Variants in PLSCR5 observed in about 807,000 individuals in gnomAD.
PLSCR5 encodes phospholipid scramblase family member 5.
PLSCR5 carries 44 observed loss-of-function variants against 33.6 expected under a neutral mutation model. That is an observed-to-expected ratio of 1.31 (90% CI 1.03 to 1.69). The LOEUF (loss-of-function observed/expected upper bound fraction) is 1.69, where lower values mean the gene tolerates loss of function less well. Among genes scored for constraint, PLSCR5 ranks in the 40% most tolerant of loss-of-function variants. The probability of loss-of-function intolerance (pLI) is 0.00; values close to 1 mark genes in which losing one functional copy is unlikely to be tolerated. For missense variants in PLSCR5, 375 were observed against 318.7 expected, an observed-to-expected ratio of 1.18 and a Z score of -1.34; for synonymous variants, 148 against 112.3, an observed-to-expected ratio of 1.32 and a Z score of -2.01.
chr3:146,605,088 G>T, intron 1 of PLSCR5, 112 bp downstream of exon 1: 3 of 1,112,232 alleles, frequency 2.7e-6, no homozygotes, highest in Non-Finnish European at 3.8e-6. Flanking sequence ...GTTCAAAAGT[G>T]ACAAATGACA....
intron 1 of PLSCR5, among the ~76,000 whole-genome samples, chr3:146,604,804 A>G (rs2044850750): frequency 6.6e-6 from 1 of 152,066 alleles, no homozygotes; most frequent in South Asian, 2.1e-4. Context: ...TTTTAATTAA[A>G]AAAATTATTA....
At chr3:146,593,263 G>C (rs2044730195) in intron 4 of PLSCR5, among the ~76,000 whole-genome samples, 1 of 152,110 alleles carries the variant, frequency 6.6e-6, no homozygotes, top group African/African-American at 2.4e-5. Context: ...GAGATTTCAT[G>C]ATTCTGTTCT....
rs780953428 is a variant in PLSCR5, at chr3:146,591,967, T to C, written c.454-86A>G. On this transcript the variant is annotated intron_variant, in intron 4 of 7. Transcript: ENST00000443512. ...ATAATGTCAATTTACCTGTAAACAA[T>C]ATACTGTTATAAAATTATTTTGATA... is the stretch of plus-strand genomic sequence containing the variant. The C allele has an allele frequency of 3.9e-5, 43 of 1,105,880 alleles. No homozygotes were observed. In the Admixed American group the frequency reaches 5.5e-4, roughly 14 times the overall value. The allele number at this position is 1,105,880 out of a possible 1,614,324, so 68.5% of individuals were successfully genotyped here. A position where few individuals can be genotyped will look rare whatever the true frequency, so the allele number is the denominator to read the frequency against.
At chr3:146,589,557 G>C (rs1014016868) in intron 6 of PLSCR5, 96 bp downstream of exon 6, 171 of 1,156,712 alleles carry the variant, frequency 1.5e-4, no homozygotes, top group Non-Finnish European at 1.9e-4. Flanking sequence ...TATACTCTTT[G>C]GGGGTAAAAA....
chr3:146,593,231 G>C (rs2044729995), intron 4 of PLSCR5, among the ~76,000 whole-genome samples: 1 of 152,036 alleles, frequency 6.6e-6, no homozygotes, highest in African/African-American at 2.4e-5. Flanking sequence ...CAAATGTAGA[G>C]AGTAATTATT....
At chr3:146,587,326 A>G (rs1560105983) in intron 6 of PLSCR5, among the ~76,000 whole-genome samples, 1 of 152,254 alleles carries the variant, frequency 6.6e-6, no homozygotes, top group Non-Finnish European at 1.5e-5. Flanking sequence ...CAAGAAGAAC[A>G]TATGTTTAGA....
chr3:146,582,313 A>T (rs757459739), downstream of PLSCR5, among the ~76,000 whole-genome samples: 1 of 152,226 alleles, frequency 6.6e-6, no homozygotes, highest in Non-Finnish European at 1.5e-5. Flanking sequence ...TTGCCCAGAC[A>T]TGTCTGCAAT....
chr3:146,604,010 C>A (rs967396889), intron 1 of PLSCR5, among the ~76,000 whole-genome samples: 1 of 151,982 alleles, frequency 6.6e-6, no homozygotes, highest in Non-Finnish European at 1.5e-5. Context: ...TCATTTGTTT[C>A]ATATTAAATA....
chr3:146,583,291 C>G (rs1244544729), downstream of PLSCR5, among the ~76,000 whole-genome samples: 1 of 152,096 alleles, frequency 6.6e-6, no homozygotes, highest in African/African-American at 2.4e-5. Flanking sequence ...TACTTATTGG[C>G]ATGTAAGAGC....
chr3:146,582,260 G>A (rs1560104708), downstream of PLSCR5, among the ~76,000 whole-genome samples: 1 of 152,194 alleles, frequency 6.6e-6, no homozygotes, highest in East Asian at 1.9e-4. Flanking sequence ...GCTTGCCTAA[G>A]ACATGGCCTC....
chr3:146,578,251 A>AT (rs1020540562), intron 7 of PLSCR5, among the ~76,000 whole-genome samples: 15 of 152,094 alleles, frequency 9.9e-5, no homozygotes, highest in African/African-American at 2.6e-4. Context: ...TCTCAAAGGT[A>AT]TTTTTTCAGG....
chr3:146,593,986 T>C lies in PLSCR5; in HGVS notation c.387A>G (p.Arg129=). 6.2e-7 allele frequency: 1 copy of C among 1,613,814 alleles called. No homozygotes were observed. ...CTLRITDNSG[R]EVITVNRPLR... ...AGGGCCTGTTCACTGTAATGACCTC[T>C]CGACCTGAGTTATCTGTGATCCTCA... The change falls in exon 4 of 8, where the codon CGA becomes CGG. Residue 129 remains arginine, a synonymous_variant. Coordinates refer to ENST00000443512, the MANE Select transcript of PLSCR5 (RefSeq NM_001085420.2).
In PLSCR5 at chr3:146,585,876, A is replaced by ATT. The variant is rs66481203; in HGVS notation, c.*109_*110dup. On this transcript the variant is annotated 3_prime_UTR_variant, in exon 8 of 8. Transcript: ENST00000443512. ...TGTTTTAATAAATATAATAATTAAC[A>ATT]TTTTTTTTTAACAAAAAAGCAAACA... 7 of 443,130 alleles carry ATT rather than the reference A, an allele frequency of 1.6e-5. No homozygotes were observed. Among genetic ancestry groups the ATT allele is most frequent in the African/African-American group, 1.3e-4 (6 of 47,484 alleles). 27.4% of individuals were successfully genotyped at this position (443,130 alleles called of 1,614,324 possible).
chr3:146,590,778 G>A (rs192329112), intron 5 of PLSCR5, among the ~76,000 whole-genome samples: 213 of 152,142 alleles, frequency 1.4e-3, no homozygotes, highest in Non-Finnish European at 2.4e-3. Context: ...TACGTGCATA[G>A]TGTTTCCTGA....
At chr3:146,597,462 G>T (rs2044771082) in intron 2 of PLSCR5, among the ~76,000 whole-genome samples, 1 of 152,106 alleles carries the variant, frequency 6.6e-6, no homozygotes, top group Admixed American at 6.6e-5. Context: ...AGGGAAATAA[G>T]TCTTAAGTGA....
At chr3:146,586,142 A>G in intron 6 of PLSCR5, 30 bp from the exon 7 acceptor site, 3 of 1,438,152 alleles carry the variant, frequency 2.1e-6, no homozygotes, top group Non-Finnish European at 2.7e-6. Flanking sequence ...ATATAAGTGA[A>G]TTTACAAAAA....
At chr3:146,603,466 CAGA>C (rs1249120300) in intron 1 of PLSCR5, among the ~76,000 whole-genome samples, 6 of 152,032 alleles carry the variant, frequency 3.9e-5, no homozygotes, top group Non-Finnish European at 8.8e-5. Flanking sequence ...GAGCCGGTTG[CAGA>C]AGGAGGGTCA....
In PLSCR5 at chr3:146,595,059, G is replaced by A; in HGVS notation, c.214C>T (p.Gln72Ter). 7.0e-7 allele frequency: 1 copy of A among 1,433,136 alleles called. No individual in the cohort carries two copies. Among genetic ancestry groups the A allele is most frequent in the Middle Eastern group, 1.9e-4 (1 of 5,198 alleles). 88.8% of individuals were successfully genotyped at this position (1,433,136 alleles called of 1,614,324 possible). A position where few individuals can be genotyped will look rare whatever the true frequency, so the allele number is the denominator to read the frequency against. ...CACTTACTTCCAAGCAGCTCCACCT[G>A]CTGGTGTATAATTATCAGGTCTAAC... ...SQLDLIIIHQ[Q>*]VELLGMILGT... Residue 72 changes from glutamine (Q) to a stop codon, truncating the protein, a stop_gained, in exon 3 of 8, where the codon CAG becomes TAG. Coordinates refer to ENST00000443512, the MANE Select transcript of PLSCR5 (RefSeq NM_001085420.2). LOFTEE classifies it high-confidence loss of function.
chr3:146,596,498 G>A (rs1413473915), intron 2 of PLSCR5, among the ~76,000 whole-genome samples: 1 of 152,136 alleles, frequency 6.6e-6, no homozygotes, highest in Non-Finnish European at 1.5e-5. Flanking sequence ...GCCTATTTGT[G>A]TTTATTTTCA....
Sources: gnomAD v4.1 joint callset for allele counts (sites outside exome capture counted in the v4.1 genomes callset) on GRCh38, gnomAD v4.1.1 for gene constraint, MANE v1.5 for transcripts, NCBI Gene and HGNC (gene_info 2026-07-23, HGNC 2026-07-21) for gene names.